Variants in CSMD1 observed in about 807,000 individuals in gnomAD.
CSMD1 encodes the protein CUB and sushi domain-containing protein 1.
Under a neutral mutation model 417.5 loss-of-function variants are expected in CSMD1, and 213 were observed. The observed-to-expected ratio is 0.51, with a 90% CI of 0.46 to 0.57. The LOEUF (loss-of-function observed/expected upper bound fraction) is 0.57. Among genes scored for constraint, CSMD1 ranks in the 20% least tolerant of loss-of-function variants. The pLI is 0.00. For synonymous variants in CSMD1, 2,862 were observed against 1,736.8 expected (o/e 1.65, Z -16.11); for missense variants, 6,923 against 4,529.7 (o/e 1.53, Z -15.17).
chr8:4,263,099 A>C (rs1803997430), intron 3 of CSMD1, among the ~76,000 whole-genome samples: 1 of 152,200 alleles, frequency 6.6e-6, no homozygotes, highest in Non-Finnish European at 1.5e-5. Flanking sequence ...TTCATTTAAA[A>C]GCAGTATTAT....
In CSMD1 at chr8:4,175,513, CTGATAGAAGCCCAA is replaced by C. The variant is rs757829364; in HGVS notation, c.416-143428_416-143415del. Among the ~76,000 whole-genome samples the C allele has an allele frequency of 2.2e-3, 332 of 152,238 alleles. 1 individual carries two copies. The highest frequency in any genetic ancestry group is 3.6e-3 in the Non-Finnish European group (242 of 68,032). ...TTCTTAAAACATTACACAAAGACAA[CTGATAGAAGCCCAA>C]TGGATAAATGTAGACATGATAAAAC... On this transcript the variant is annotated intron_variant, in intron 3 of 69. Coordinates refer to ENST00000635120, the MANE Select transcript of CSMD1 (RefSeq NM_033225.6).
chr8:3,497,270 A>G (rs1385075338), intron 10 of CSMD1, among the ~76,000 whole-genome samples: 2 of 152,132 alleles, frequency 1.3e-5, no homozygotes, highest in South Asian at 2.1e-4. Flanking sequence ...CTATTATTAT[A>G]TTGGAGTCTA....
chr8:4,132,927 G>A (rs1009797891), intron 3 of CSMD1, among the ~76,000 whole-genome samples: 2 of 151,812 alleles, frequency 1.3e-5, no homozygotes, highest in African/African-American at 4.8e-5. Context: ...TATGGTAAAA[G>A]TCATTTATTT....
At position 4,430,053 on chromosome 8, in the gene CSMD1, C is replaced by A. The variant is rs554972276; in HGVS notation, c.303-9988G>T. On this transcript the variant is annotated intron_variant, in intron 2 of 69. Coordinates refer to ENST00000635120, the MANE Select transcript of CSMD1 (RefSeq NM_033225.6). ...CGACTGCCTGAGTTTTCAGAATCAA[C>A]CAGGAAGTATAAAAGCAGAAACAAA... Among the ~76,000 whole-genome samples, 46 of 152,236 alleles carry A rather than the reference C, an allele frequency of 3.0e-4. 2 individuals are homozygous for A. In the South Asian group the frequency reaches 9.3e-3, roughly 31 times the overall value.
chr8:4,216,303 C>G (rs934693896), intron 3 of CSMD1, among the ~76,000 whole-genome samples: 1 of 152,122 alleles, frequency 6.6e-6, no homozygotes, highest in Non-Finnish European at 1.5e-5. Flanking sequence ...CTAGTCAATT[C>G]TATCTGTCAC....
intron 10 of CSMD1, among the ~76,000 whole-genome samples, chr8:3,509,518 G>T (rs751875401): frequency 6.6e-6 from 1 of 152,070 alleles, no homozygotes; most frequent in Non-Finnish European, 1.5e-5. Context: ...AAATGAAGAA[G>T]GTAGGCTATT....
At chr8:4,639,236 T>C (rs1440698039) in intron 1 of CSMD1, among the ~76,000 whole-genome samples, 1 of 145,438 alleles carries the variant, frequency 6.9e-6, no homozygotes, top group African/African-American at 2.6e-5. Context: ...GCTAATTTGG[T>C]CCCTGTGGTT....
chr8:4,249,752 TATTAATGGGGGA>T lies in CSMD1; in HGVS notation c.415+170189_415+170200del, dbSNP rs146565035. ...TAGCTCAGTACTGGAGAACAAAGTCTATTAATGGGGGAATTAATGGGGCACTTGGGGAAATGA... is the reference window on the plus strand; with the variant it reads ...TAGCTCAGTACTGGAGAACAAAGTCTATTAATGGGGCACTTGGGGAAATGA... On this transcript the variant is annotated intron_variant, in intron 3 of 69. Coordinates refer to ENST00000635120, the MANE Select transcript of CSMD1 (RefSeq NM_033225.6). Among the ~76,000 whole-genome samples the T allele has an allele frequency of 5.4e-3, 815 of 152,282 alleles. 37 individuals are homozygous for T. The East Asian group carries it at 0.093, about 17-fold the overall frequency.
chr8:4,521,530 G>C (rs928535669), intron 2 of CSMD1, among the ~76,000 whole-genome samples: 2 of 152,084 alleles, frequency 1.3e-5, no homozygotes, highest in African/African-American at 2.4e-5. Flanking sequence ...TTTCCTTCTT[G>C]TCTACTATAG....
At chr8:4,481,354 AG>A (rs1270463319) in intron 2 of CSMD1, among the ~76,000 whole-genome samples, 1 of 152,240 alleles carries the variant, frequency 6.6e-6, no homozygotes, top group Non-Finnish European at 1.5e-5. Context: ...ATCTATCAAA[AG>A]GGTTATTTCA....
intron 2 of CSMD1, among the ~76,000 whole-genome samples, chr8:4,454,149 CTG>C (rs1427985341): frequency 6.6e-6 from 1 of 151,908 alleles, no homozygotes; most frequent in East Asian, 1.9e-4. Context: ...TCCTCCTACT[CTG>C]TGAGCAGATT....
intron 26 of CSMD1, among the ~76,000 whole-genome samples, chr8:3,241,385 AG>A (rs1395533541): frequency 9.9e-5 from 15 of 152,156 alleles, no homozygotes; most frequent in African/African-American, 3.6e-4. Context: ...TTGATTAAGA[AG>A]GGGACGGTCT....
At chr8:4,945,687 G>C (rs556266856) in intron 1 of CSMD1, among the ~76,000 whole-genome samples, 2 of 152,072 alleles carry the variant, frequency 1.3e-5, no homozygotes, top group African/African-American at 2.4e-5. Context: ...AGAGAACTTG[G>C]CATTAACAAA....
chr8:4,822,772 G>A (rs1799592664), intron 1 of CSMD1, among the ~76,000 whole-genome samples: 1 of 151,922 alleles, frequency 6.6e-6, no homozygotes, highest in Non-Finnish European at 1.5e-5. Flanking sequence ...TAACCTCTGG[G>A]TATGGCAATC....
intron 3 of CSMD1, among the ~76,000 whole-genome samples, chr8:4,249,692 C>A (rs577638687): frequency 1.3e-5 from 2 of 152,030 alleles, no homozygotes; most frequent in Non-Finnish European, 2.9e-5. Context: ...GCTGTTGTAG[C>A]GAAATAAAGC....
intron 3 of CSMD1, among the ~76,000 whole-genome samples, chr8:4,049,250 G>A (rs1383010273): frequency 6.6e-6 from 1 of 151,626 alleles, no homozygotes; most frequent in Admixed American, 6.6e-5. Context: ...GACATCACTG[G>A]CATTTTGTAT....
chr8:4,946,040 G>A (rs1381881338), intron 1 of CSMD1, among the ~76,000 whole-genome samples: 2 of 152,086 alleles, frequency 1.3e-5, no homozygotes, highest in Non-Finnish European at 2.9e-5. Flanking sequence ...GACTTCTCCC[G>A]TCTGCTGTGG....
At chr8:3,961,927 G>C (rs991905700) in intron 5 of CSMD1, among the ~76,000 whole-genome samples, 4 of 152,152 alleles carry the variant, frequency 2.6e-5, no homozygotes, top group Admixed American at 2.0e-4. Context: ...GAATGGGCTT[G>C]GGCGCTTTCT....
In CSMD1 at chr8:3,917,241, C is replaced by T. The variant is rs570573521; in HGVS notation, c.818+80662G>A. ...GCCATTTCCTGTGGTTGAAATGCAA[C>T]CCTATGAGATGCTGTTGAATGCATG... On this transcript the variant is annotated intron_variant, in intron 5 of 69. Transcript: ENST00000635120. 3.9e-5 allele frequency among the ~76,000 whole-genome samples: 6 copies of T among 152,220 alleles called. No individual in the cohort carries two copies. The South Asian group carries it at 1.2e-3, about 32-fold the overall frequency.
Sources: allele counts gnomAD v4.1 joint callset (sites outside exome capture counted in the v4.1 genomes callset), GRCh38; gene constraint gnomAD v4.1.1; transcripts MANE v1.5; gene names NCBI Gene and HGNC (gene_info 2026-07-23, HGNC 2026-07-21).